The following NUAK1 variants were observed in gnomAD, a reference collection of about 807,000 sequenced individuals.
The protein encoded by NUAK1 is NUAK family SNF1-like kinase 1.
Under a neutral mutation model 56.9 loss-of-function variants are expected in NUAK1, and 26 were observed. The ratio of observed to expected loss-of-function variants is 0.46; its 90% confidence interval spans 0.33 to 0.63. NUAK1 has a LOEUF of 0.63. Ranked by LOEUF, NUAK1 falls within the 30% of genes least tolerant of loss-of-function variation. The pLI is 0.02. For missense variants in NUAK1, 727 were observed against 876.1 expected, an observed-to-expected ratio of 0.83 and a Z score of 2.15; for synonymous variants, 337 against 336.0, an observed-to-expected ratio of 1.00 and a Z score of -0.03.
At chr12:106,100,874 A>G (rs1004353824) in intron 2 of NUAK1, among the ~76,000 whole-genome samples, 1 of 152,226 alleles carries the variant, frequency 6.6e-6, no homozygotes, top group Non-Finnish European at 1.5e-5. Flanking sequence ...CTCTTTAATC[A>G]TAAAGATCTT....
chr12:106,118,189 T>C (rs1228039551), intron 1 of NUAK1, among the ~76,000 whole-genome samples: 1 of 152,056 alleles, frequency 6.6e-6, no homozygotes, highest in East Asian at 1.9e-4. Context: ...TACAATGTCA[T>C]CCCACTTCAT....
At chr12:106,082,889 G>A (rs1277414866) in intron 4 of NUAK1, among the ~76,000 whole-genome samples, 1 of 152,206 alleles carries the variant, frequency 6.6e-6, no homozygotes, top group Admixed American at 6.5e-5. Context: ...CAGGGACCAG[G>A]GATAAGCCAC....
At chr12:106,103,942 C>A (rs1455147327) in intron 2 of NUAK1, 1 of 152,396 alleles carries the variant, frequency 6.6e-6, no homozygotes, top group Non-Finnish European at 1.5e-5. Flanking sequence ...CCCAGCCTTG[C>A]AGAACTGTGA....
At position 106,066,776 on chromosome 12, in the gene NUAK1, C is replaced by T. The variant is rs540468112; in HGVS notation, c.*26G>A. On this transcript the variant is annotated 3_prime_UTR_variant, in exon 7 of 7. Coordinates refer to ENST00000261402, the MANE Select transcript of NUAK1 (RefSeq NM_014840.3). ...TGCTCCCCTTCCTCCCTCGTACCCC[C>T]GCCCGCCCCTGGGCGCCCTGGAATG... The T allele has an allele frequency of 7.6e-5, 120 of 1,573,568 alleles. 1 individual carries two copies. The South Asian group carries it at 8.6e-4, about 11-fold the overall frequency.
chr12:106,117,802 TA>T (rs1207577778), intron 1 of NUAK1, among the ~76,000 whole-genome samples: 1 of 152,150 alleles, frequency 6.6e-6, no homozygotes, highest in Admixed American at 6.5e-5. Context: ...AGTCAGTATA[TA>T]GCCTAACAAA....
intron 1 of NUAK1, among the ~76,000 whole-genome samples, chr12:106,135,137 T>A (rs2033117227): frequency 6.6e-6 from 1 of 152,208 alleles, no homozygotes; most frequent in Non-Finnish European, 1.5e-5. Flanking sequence ...ATTTTACCGA[T>A]GAAGAAGCTG....
At chr12:106,084,105 G>A (rs369273183) in intron 3 of NUAK1, 176 bp from the exon 4 acceptor site, 22 of 597,554 alleles carry the variant, frequency 3.7e-5, no homozygotes, top group African/African-American at 1.3e-4. Context: ...ACGCTCCCCC[G>A]CCAGCGACCA....
intron 1 of NUAK1, among the ~76,000 whole-genome samples, chr12:106,132,828 G>A (rs1565929604): frequency 6.6e-6 from 1 of 151,980 alleles, no homozygotes; most frequent in Non-Finnish European, 1.5e-5. Context: ...CCAAACTGAC[G>A]GGCTCAACAC....
At chr12:106,087,930 T>C (rs545537474) in intron 2 of NUAK1, among the ~76,000 whole-genome samples, 3 of 152,330 alleles carry the variant, frequency 2.0e-5, no homozygotes, top group Admixed American at 1.3e-4. Context: ...GCTGCTACTA[T>C]GATCTCAAGC....
intron 1 of NUAK1, among the ~76,000 whole-genome samples, chr12:106,126,388 C>T (rs558647040): frequency 6.6e-6 from 1 of 152,346 alleles, no homozygotes; most frequent in South Asian, 2.1e-4. Flanking sequence ...TATTTCTACT[C>T]TTTCTTGGGA....
rs953435257 is a variant in NUAK1, at chr12:106,066,562, T to A, written c.*240A>T. 3.6e-6 allele frequency: 2 copies of A among 550,258 alleles called. No individual in the cohort carries two copies. Among genetic ancestry groups the A allele is most frequent in the African/African-American group, 3.8e-5 (2 of 53,006 alleles). The allele number at this position is 550,258 out of a possible 1,614,324, so 34.1% of individuals were successfully genotyped here. A position where few individuals can be genotyped will look rare whatever the true frequency, so the allele number is the denominator to read the frequency against. Reference sequence around the variant, plus strand: ...CCTGGACAGCTGGTCCTCTAGGAGGTGCCATAAAGCAAATGCCAAACAGGG... The same window carrying A: ...CCTGGACAGCTGGTCCTCTAGGAGGAGCCATAAAGCAAATGCCAAACAGGG... On this transcript the variant is annotated 3_prime_UTR_variant, in exon 7 of 7. Transcript: ENST00000261402.
At chr12:106,088,502 C>G (rs2136463558) in intron 2 of NUAK1, among the ~76,000 whole-genome samples, 1 of 152,318 alleles carries the variant, frequency 6.6e-6, no homozygotes, top group South Asian at 2.1e-4. Context: ...ATACCCAGGT[C>G]CTCTGCCTAG....
intron 1 of NUAK1, among the ~76,000 whole-genome samples, chr12:106,133,804 A>G (rs1489193793): frequency 1.3e-5 from 2 of 152,172 alleles, no homozygotes; most frequent in Non-Finnish European, 2.9e-5. Context: ...ATCACCTGAA[A>G]CAATCCTCTA....
At chr12:106,080,070 T>G (rs36103235) in intron 4 of NUAK1, among the ~76,000 whole-genome samples, 21,628 of 152,274 alleles carry the variant, frequency 0.14, 1,704 homozygotes, top group Non-Finnish European at 0.17. Context: ...AATTGATTAA[T>G]TCATGCATGA....
Position 106,067,829 on chromosome 12 carries a change from A to G in NUAK1, c.959T>C (p.Leu320Pro). The change falls in exon 7 of 7, where the codon CTC becomes CCC. Residue 320 changes from leucine (L) to proline (P), a missense_variant. Coordinates refer to ENST00000261402, the MANE Select transcript of NUAK1 (RefSeq NM_014840.3). The surrounding 1 kb of genome is among the most constrained non-coding windows in gnomAD (Gnocchi z 6.0). ...YKSSVCDCDA[L>P]HDSESPLLAR... ...CAGGAGTGGGGACTCAGAGTCATGG[A>G]GGGCATCACAGTCACACACGCTGCT... The G allele has an allele frequency of 6.2e-7, 1 of 1,614,174 alleles. No homozygotes were observed.
At chr12:106,093,845 TG>T (rs1396464494) in intron 2 of NUAK1, among the ~76,000 whole-genome samples, 3 of 152,160 alleles carry the variant, frequency 2.0e-5, no homozygotes, top group African/African-American at 7.2e-5. Flanking sequence ...GTCACACAGG[TG>T]GGAGTGCAGT....
intron 4 of NUAK1, among the ~76,000 whole-genome samples, chr12:106,076,681 C>T (rs777756594): frequency 1.3e-5 from 2 of 152,200 alleles, no homozygotes; most frequent in Non-Finnish European, 2.9e-5. Context: ...TATTCATTCA[C>T]ATTTCAAAAG....
chr12:106,138,383 C>T lies in NUAK1; in HGVS notation c.240+31G>A, dbSNP rs1592866902. On this transcript the variant is annotated intron_variant, in intron 1 of 6. Coordinates refer to ENST00000261402, the MANE Select transcript of NUAK1 (RefSeq NM_014840.3). This position sits in a 1 kb window ranked among gnomAD's most constrained non-coding sequence, Gnocchi z 5.0. ...GTCCCCGGCCGCGTCCACCCAGCGC[C>T]CCCCGCACCCTCCAGGATTGCCCCA... The T allele has an allele frequency of 1.3e-6, 2 of 1,577,668 alleles. No homozygotes were observed. The highest frequency in any genetic ancestry group is 1.2e-5 in the South Asian group (1 of 85,472).
rs960332645 is a variant in NUAK1 at position 106,138,836 on chromosome 12, G to T, written c.-183C>A. The T allele has an allele frequency of 9.1e-6, 7 of 769,324 alleles. No individual in the cohort carries two copies. The highest frequency in any genetic ancestry group is 8.6e-5 in the Admixed American group (2 of 23,172). The allele number at this position is 769,324 out of a possible 1,614,324, so 47.7% of individuals were successfully genotyped here. ...CGGCGGCGGGGACTGCACATCTGGC[G>T]CCCGCGGCGCGCACGGTCCGCGCAC... is the stretch of plus-strand genomic sequence containing the variant. On this transcript the variant is annotated 5_prime_UTR_variant, in exon 1 of 7. Transcript: ENST00000261402. The surrounding 1 kb of genome is among the most constrained non-coding windows in gnomAD (Gnocchi z 5.0).
Sources: gnomAD v4.1 joint callset for allele counts (sites outside exome capture counted in the v4.1 genomes callset) on GRCh38, gnomAD v4.1.1 for gene constraint, Gnocchi (gnomAD v3.1) non-coding constraint, MANE v1.5 for transcripts, NCBI Gene and HGNC (gene_info 2026-07-23, HGNC 2026-07-21) for gene names.